Variants in DBH observed in about 807,000 individuals in gnomAD.
DBH encodes the protein dopamine beta-hydroxylase (dopamine beta-monooxygenase).
A neutral mutation model predicts 64.0 loss-of-function variants in DBH; 49 were observed. That is an observed-to-expected ratio of 0.77 (90% CI 0.61 to 0.97). The LOEUF is 0.97. DBH is among the 50% of genes least tolerant of loss of function. The pLI, the probability that DBH is intolerant of heterozygous loss-of-function variation, is 0.00. For synonymous variants in DBH, 343 were observed against 347.1 expected (o/e 0.99, Z 0.13); for missense variants, 828 against 826.6 (o/e 1.00, Z -0.02).
chr9:133,656,481 C>T (rs374239796), intron 9 of DBH, 42 bp from the exon 10 acceptor site: 15 of 1,612,650 alleles, frequency 9.3e-6, no homozygotes, highest in South Asian at 3.3e-5. Context: ...GCAGCGTCTG[C>T]GTGGCATGGC....
chr9:133,636,545 C>T lies in DBH; in HGVS notation c.174C>T (p.Ser58=). 1 of 1,613,570 alleles carries T rather than the reference C, an allele frequency of 6.2e-7. No individual in the cohort carries two copies. Among genetic ancestry groups the T allele is most frequent in the Non-Finnish European group, 8.5e-7 (1 of 1,180,024 alleles). ...PYHIPLDPEG[S]LELSWNVSYT... ...ACATCCCCCTGGACCCGGAGGGGTC[C>T]CTGGAGCTCTCATGGAATGTCAGCT... Residue 58 remains serine, a synonymous_variant, in exon 1 of 12, where the codon TCC becomes TCT. Transcript: ENST00000393056.
chr9:133,648,090 C>T (rs958886283), intron 6 of DBH, 78 bp downstream of exon 6: 21 of 1,495,824 alleles, frequency 1.4e-5, no homozygotes, highest in Admixed American at 3.9e-5. Flanking sequence ...TCGTGGCCCA[C>T]GAAGGGTGGC....
At position 133,657,338 on chromosome 9, in the gene DBH, C is replaced by T. The variant is rs1564215609; in HGVS notation, c.1722+109C>T. On this transcript the variant is annotated intron_variant, in intron 11 of 11. Coordinates refer to ENST00000393056, the MANE Select transcript of DBH (RefSeq NM_000787.4). ...CAAACTGCTGGCAAAAGCACTCGCACAAGACAATGAGAGCAAGTGCCAGGT... is the reference window on the plus strand; with the variant it reads ...CAAACTGCTGGCAAAAGCACTCGCATAAGACAATGAGAGCAAGTGCCAGGT... 4.4e-6 allele frequency: 6 copies of T among 1,369,992 alleles called. No individual in the cohort carries two copies. In the East Asian group the frequency reaches 1.4e-4, roughly 32 times the overall value. 84.9% of individuals were successfully genotyped at this position (1,369,992 alleles called of 1,614,324 possible).
Position 133,643,648 on chromosome 9 carries a change from C to T in DBH, c.921+59C>T. 6.3e-7 allele frequency: 1 copy of T among 1,582,854 alleles called. No individual in the cohort carries two copies. The highest frequency in any genetic ancestry group is 1.7e-5 in the Admixed American group (1 of 59,534). On this transcript the variant is annotated intron_variant, in intron 4 of 11. Transcript: ENST00000393056. This position sits in a 1 kb window ranked among gnomAD's most constrained non-coding sequence, Gnocchi z 5.3. ...TGCCTGGGCCCCTGGCATCCCCACA[C>T]CTCTGTTTCCCCAGCTTCACCGTCT...
chr9:133,657,426 A>AGAGAGGAGAGAGAG lies in DBH; in HGVS notation c.1722+202_1722+203insGAGAGAGAGGAGAG, dbSNP rs1391213180. Reference sequence around the variant, plus strand: ...AGAGAGAGGAGAGAGGAGAGAGAGGAGAGAGAGGAGAGAGAGGAGAGAGAG... The same window carrying AGAGAGGAGAGAGAG: ...AGAGAGAGGAGAGAGGAGAGAGAGGAGAGAGGAGAGAGAGGAGAGAGGAGAGAGAGGAGAGAGAG... On this transcript the variant is annotated intron_variant, in intron 11 of 11. Transcript: ENST00000393056. 15 of 303,358 alleles carry AGAGAGGAGAGAGAG rather than the reference A, an allele frequency of 4.9e-5. 1 individual carries two copies. The highest frequency in any genetic ancestry group is 1.4e-4 in the East Asian group (2 of 14,318). The allele number at this position is 303,358 out of a possible 1,614,324, so 18.8% of individuals were successfully genotyped here.
chr9:133,647,918 A>G lies in DBH; in HGVS notation c.1097A>G (p.Glu366Gly). 6.2e-7 allele frequency: 1 copy of G among 1,614,192 alleles called. No homozygotes were observed. Among genetic ancestry groups the G allele is most frequent in the Non-Finnish European group, 8.5e-7 (1 of 1,180,046 alleles). Residue 366 changes from glutamate (E) to glycine (G), a missense_variant, in exon 6 of 12, where the codon GAG becomes GGG. Glu to Gly is a moderately conservative substitution (Grantham distance 98). Transcript: ENST00000393056. ...CGGCGCTTCAACGCGGGGATCATGG[A>G]GCTGGGACTGGTGTACACGCCAGTG... ...KLRRFNAGIM[E>G]LGLVYTPVMA...
At chr9:133,642,165 G>A (rs1832123268) in intron 2 of DBH, 42 bp from the exon 3 acceptor site, 1 of 1,609,008 alleles carries the variant, frequency 6.2e-7, no homozygotes, top group South Asian at 1.1e-5. Flanking sequence ...CAACTCTGGG[G>A]GCTCTGAGAG....
chr9:133,648,964 A>G (rs2131289585), intron 6 of DBH, among the ~76,000 whole-genome samples: 1 of 152,308 alleles, frequency 6.6e-6, no homozygotes, highest in East Asian at 1.9e-4. Context: ...CCCTTGAGTA[A>G]ATCTTGCAAA....
intron 11 of DBH, 112 bp downstream of exon 11, chr9:133,657,341 G>C: frequency 7.6e-7 from 1 of 1,323,410 alleles, no homozygotes; most frequent in Non-Finnish European, 1.1e-6. Flanking sequence ...ACTCGCACAA[G>C]ACAATGAGAG....
chr9:133,649,302 C>G (rs1010569585), intron 6 of DBH, among the ~76,000 whole-genome samples: 1 of 152,182 alleles, frequency 6.6e-6, no homozygotes, highest in African/African-American at 2.4e-5. Context: ...AACATTTCCT[C>G]CTGTGCGGTA....
chr9:133,642,026 C>T (rs551744489), intron 2 of DBH, among the ~76,000 whole-genome samples, 181 bp from the exon 3 acceptor site: 7 of 152,292 alleles, frequency 4.6e-5, no homozygotes, highest in East Asian at 3.9e-4. Context: ...TCCTGGGGGT[C>T]GTCAGCCCGG....
At chr9:133,642,842 T>C (rs775677271) in intron 3 of DBH, among the ~76,000 whole-genome samples, 25 of 152,154 alleles carry the variant, frequency 1.6e-4, no homozygotes, top group Non-Finnish European at 2.6e-4. Flanking sequence ...GAAGACAGAA[T>C]AGCAAAGGCG....
chr9:133,652,879 G>A (rs1588352940), intron 8 of DBH, 61 bp from the exon 9 acceptor site: 5 of 1,253,536 alleles, frequency 4.0e-6, no homozygotes, highest in Non-Finnish European at 5.9e-6. Context: ...TGGGGGCGAG[G>A]CCTCCAGCAC....
intron 9 of DBH, chr9:133,655,931 C>T (rs548691798): frequency 1.3e-5 from 2 of 158,750 alleles, no homozygotes; most frequent in African/African-American, 4.8e-5. Context: ...CTGCCCCTCC[C>T]ATGCGATGGC....
chr9:133,655,448 AGCTGGGAAAG>A (rs1342887783), intron 9 of DBH: 2 of 152,230 alleles, frequency 1.3e-5, no homozygotes, highest in African/African-American at 4.8e-5. Context: ...GGATGAGAAA[AGCTGGGAAAG>A]GAGGAATCCG....
At chr9:133,648,151 C>T in intron 6 of DBH, 139 bp downstream of exon 6, 1 of 1,027,604 alleles carries the variant, frequency 9.7e-7, no homozygotes, top group South Asian at 1.4e-5. Flanking sequence ...GGTCCTCCCT[C>T]TTTTCTGTAT....
At chr9:133,638,602 A>G (rs1269842385) in intron 1 of DBH, among the ~76,000 whole-genome samples, 1 of 152,030 alleles carries the variant, frequency 6.6e-6, no homozygotes, top group African/African-American at 2.4e-5. Flanking sequence ...GGTTGGGGCA[A>G]TATTGGCCTG....
intron 6 of DBH, 75 bp from the exon 7 acceptor site, chr9:133,651,559 T>TACC: frequency 6.3e-7 from 1 of 1,592,690 alleles, no homozygotes; most frequent in Admixed American, 1.7e-5. Context: ...GGCTGCTCCC[T>TACC]ACCGGGTCCT....
chr9:133,647,967 C>T lies in DBH; in HGVS notation c.1146C>T (p.Thr382=), dbSNP rs548319420. ...TGATGGCCATTCCACCACGGGAGAC[C>T]GCCTTCATCCTCACTGGCTACTGCA... ...TPVMAIPPRE[T]AFILTGYCTD... Residue 382 remains threonine (T), a synonymous_variant, in exon 6 of 12, where the codon ACC becomes ACT. Transcript: ENST00000393056. The T allele has an allele frequency of 1.0e-4, 162 of 1,613,818 alleles. No individual in the cohort carries two copies. Among genetic ancestry groups the T allele is most frequent in the Middle Eastern group, 3.3e-4 (2 of 6,058 alleles).
Sources: allele counts gnomAD v4.1 joint callset (sites outside exome capture counted in the v4.1 genomes callset), GRCh38; gene constraint gnomAD v4.1.1; non-coding constraint Gnocchi (gnomAD v3.1); transcripts MANE v1.5; gene names NCBI Gene and HGNC (gene_info 2026-07-23, HGNC 2026-07-21).